The following DDB2 variants were observed in gnomAD, a reference collection of about 807,000 sequenced individuals.
DDB2 encodes DNA damage-binding protein 2.
DDB2 carries 27 observed loss-of-function variants against 50.5 expected under a neutral mutation model. The ratio of observed to expected loss-of-function variants is 0.53; its 90% CI spans 0.39 to 0.74. DDB2 has a LOEUF of 0.74. Ranked by LOEUF, DDB2 falls within the 30% of genes least tolerant of loss-of-function variation. The pLI, the probability that DDB2 is intolerant of heterozygous loss-of-function variation, is 0.00. For missense variants in DDB2, 424 were observed against 545.6 expected, an observed-to-expected ratio of 0.78 and a Z score of 2.22; for synonymous variants, 176 against 205.5, an observed-to-expected ratio of 0.86 and a Z score of 1.23.
chr11:47,237,550 C>A, intron 7 of DDB2: 1 of 389,166 alleles, frequency 2.6e-6, no homozygotes, highest in East Asian at 6.1e-5. Flanking sequence ...CCTGCCTCAG[C>A]CTCCCAAGTA....
chr11:47,233,709 CAAAAA>C (rs10544942), intron 4 of DDB2, among the ~76,000 whole-genome samples: 3 of 140,526 alleles, frequency 2.1e-5, no homozygotes, highest in Non-Finnish European at 4.6e-5. Flanking sequence ...AAATCTATCT[CAAAAA>C]AAAAAAAAAA....
Position 47,238,013 on chromosome 11 carries a change from G to A in DDB2, c.1188+12G>A, listed in dbSNP as rs1184059942. The A allele has an allele frequency of 1.9e-5, 31 of 1,614,102 alleles. No homozygotes were observed. Among genetic ancestry groups the A allele is most frequent in the Non-Finnish European group, 2.5e-5 (30 of 1,179,972 alleles). On this transcript the variant is annotated intron_variant, in intron 8 of 9. Transcript: ENST00000256996. ...CTGGCATCAGTTCGGTGAGGCTTGG[G>A]TCCTCAAATAATGATGGGAGGAAGC...
intron 4 of DDB2, chr11:47,233,324 A>C: frequency 2.9e-6 from 1 of 349,880 alleles, no homozygotes; most frequent in Middle Eastern, 9.8e-4. Context: ...TGGTGTAATG[A>C]CCTGACCTGT....
intron 3 of DDB2, among the ~76,000 whole-genome samples, chr11:47,232,293 G>A (rs772790115): frequency 6.6e-6 from 1 of 151,940 alleles, no homozygotes; most frequent in African/African-American, 2.4e-5. Context: ...GCAGTGAGCC[G>A]AGGTCGTGAC....
intron 1 of DDB2, 36 bp downstream of exon 1, chr11:47,215,299 T>C: frequency 6.2e-7 from 1 of 1,613,038 alleles, no homozygotes. Flanking sequence ...TATTTCCGCC[T>C]TTTAGGGTGC....
intron 3 of DDB2, among the ~76,000 whole-genome samples, chr11:47,224,983 G>C (rs1423299865): frequency 2.0e-5 from 3 of 151,290 alleles, no homozygotes; most frequent in Non-Finnish European, 4.4e-5. Flanking sequence ...TCTCTTCCAG[G>C]CTGGAGTGCA....
intron 7 of DDB2, 181 bp downstream of exon 7, chr11:47,235,593 C>A: frequency 1.5e-6 from 1 of 653,544 alleles, no homozygotes; most frequent in Non-Finnish European, 2.7e-6. Flanking sequence ...CTTCTGCCAT[C>A]CCATATGGTT....
chr11:47,215,532 A>T, intron 1 of DDB2: 1 of 486,456 alleles, frequency 2.1e-6, no homozygotes, highest in Non-Finnish European at 3.8e-6. Context: ...TTGCACAGTT[A>T]GGACGGCTTC....
At chr11:47,215,462 G>C (rs1377249494) in intron 1 of DDB2, 199 bp downstream of exon 1, 1 of 670,758 alleles carries the variant, frequency 1.5e-6, no homozygotes, top group African/African-American at 1.8e-5. Context: ...ACAGGAAGCA[G>C]ATGAGCTCCG....
At chr11:47,227,382 T>G (rs1165589935) in intron 3 of DDB2, among the ~76,000 whole-genome samples, 1 of 151,984 alleles carries the variant, frequency 6.6e-6, no homozygotes, top group East Asian at 1.9e-4. Context: ...GCTGGGATTA[T>G]AGGTGTGAGA....
intron 7 of DDB2, among the ~76,000 whole-genome samples, chr11:47,237,431 CT>C (rs1438343507): frequency 2.7e-5 from 4 of 150,450 alleles, no homozygotes; most frequent in Non-Finnish European, 5.9e-5. Context: ...CTGGCAAATA[CT>C]ACTTTTTTTT....
At chr11:47,218,467 G>A (rs961965158) in intron 3 of DDB2, among the ~76,000 whole-genome samples, 1 of 152,222 alleles carries the variant, frequency 6.6e-6, no homozygotes, top group Non-Finnish European at 1.5e-5. Context: ...CAATAAAGAA[G>A]ACTCCATGGA....
intron 1 of DDB2, chr11:47,215,683 T>G (rs980129136): frequency 3.2e-6 from 1 of 311,270 alleles, no homozygotes; most frequent in African/African-American, 2.2e-5. Context: ...TACTGGGGCT[T>G]GAACCTGGGG....
At chr11:47,231,320 T>A (rs1953646255) in intron 3 of DDB2, among the ~76,000 whole-genome samples, 1 of 152,086 alleles carries the variant, frequency 6.6e-6, no homozygotes, top group Non-Finnish European at 1.5e-5. Flanking sequence ...TGCTCTGAGC[T>A]GAAGCTCTTC....
At chr11:47,231,385 C>G (rs1953647436) in intron 3 of DDB2, among the ~76,000 whole-genome samples, 1 of 152,092 alleles carries the variant, frequency 6.6e-6, no homozygotes, top group Non-Finnish European at 1.5e-5. Context: ...AATGGAATAC[C>G]TCAGCAATAA....
chr11:47,219,623 T>C (rs1409817081), intron 3 of DDB2, among the ~76,000 whole-genome samples: 1 of 152,134 alleles, frequency 6.6e-6, no homozygotes, highest in Non-Finnish European at 1.5e-5. Flanking sequence ...TTGCTCGGGA[T>C]TACAGGGCTG....
Position 47,229,489 on chromosome 11 carries a change from C to T in DDB2, c.457-3325C>T, listed in dbSNP as rs143546492. On this transcript the variant is annotated intron_variant, in intron 3 of 9. Transcript: ENST00000256996. ...CGGGAGGGTAAAAGAGTCCAAGCATCCTAAGGAAGACGTGCATTTGGGGAG... is the reference window on the plus strand; with the variant it reads ...CGGGAGGGTAAAAGAGTCCAAGCATTCTAAGGAAGACGTGCATTTGGGGAG... Among the ~76,000 whole-genome samples, 45 of 152,144 alleles carry T rather than the reference C, an allele frequency of 3.0e-4. No homozygotes were observed. The East Asian group carries it at 8.3e-3, about 28-fold the overall frequency.
At position 47,234,588 on chromosome 11, in the gene DDB2, C is replaced by T. The variant is rs759622121; in HGVS notation, c.618C>T (p.Ser206=). 6 of 1,614,004 alleles carry T rather than the reference C, an allele frequency of 3.7e-6. No individual in the cohort carries two copies. The South Asian group carries it at 4.4e-5, about 12-fold the overall frequency. Residue 206 remains serine, a synonymous_variant, in exon 5 of 10, where the codon AGC becomes AGT. Coordinates refer to ENST00000256996, the MANE Select transcript of DDB2 (RefSeq NM_000107.3). The part of the protein sequence containing the change: ...SSDTINIWFC[S]LDVSASSRMV... ...CTCCCTCCAGCATCTGGTTTTGTAGCCTGGATGTGTCTGCTAGTAGCCGAA... is the reference window on the plus strand; with the variant it reads ...CTCCCTCCAGCATCTGGTTTTGTAGTCTGGATGTGTCTGCTAGTAGCCGAA...
intron 4 of DDB2, 147 bp from the exon 5 acceptor site, chr11:47,234,426 A>G (rs1953693451): frequency 1.3e-6 from 1 of 746,080 alleles, no homozygotes; most frequent in African/African-American, 1.7e-5. Context: ...AATGTTCCTC[A>G]CTAGGAATCC....
Sources: allele counts gnomAD v4.1 joint callset (sites outside exome capture counted in the v4.1 genomes callset), GRCh38; gene constraint gnomAD v4.1.1; transcripts MANE v1.5; gene names NCBI Gene and HGNC (gene_info 2026-07-23, HGNC 2026-07-21).